The following PTPRD variants were observed in gnomAD, a reference collection of about 807,000 sequenced individuals.
The protein encoded by PTPRD is protein tyrosine phosphatase receptor type D.
In PTPRD, 34 loss-of-function variants were observed where a neutral mutation model predicts 214.5. The observed-to-expected ratio is 0.16, with a 90% confidence interval of 0.12 to 0.21. The LOEUF (loss-of-function observed/expected upper bound fraction) is 0.21, where lower values mean the gene tolerates loss of function less well. Among genes scored for constraint, PTPRD ranks in the 10% least tolerant of loss-of-function variants. PTPRD has a pLI of 1.00. For synonymous variants in PTPRD, 1,128 were observed against 845.7 expected (o/e 1.33, Z -5.79); for missense variants, 2,545 against 2,398.7 (o/e 1.06, Z -1.27).
intron 10 of PTPRD, among the ~76,000 whole-genome samples, chr9:9,151,856 G>A (rs2154488605): frequency 6.6e-6 from 1 of 152,278 alleles, no homozygotes; most frequent in South Asian, 2.1e-4. Context: ...CCAGTTAGGT[G>A]ATAGCACCCA....
At chr9:8,844,100 C>T (rs1009824657) in intron 11 of PTPRD, among the ~76,000 whole-genome samples, 2 of 152,174 alleles carry the variant, frequency 1.3e-5, no homozygotes, top group Admixed American at 1.3e-4. Context: ...CACTCTAGTA[C>T]CTAAATATTC....
chr9:8,878,217 G>C (rs150188549), intron 11 of PTPRD, among the ~76,000 whole-genome samples: 21 of 152,294 alleles, frequency 1.4e-4, no homozygotes, highest in African/African-American at 4.6e-4. Flanking sequence ...TCATTCGTAG[G>C]AGATTGGAAA....
At chr9:9,817,071 A>G (rs2049011497) in intron 5 of PTPRD, among the ~76,000 whole-genome samples, 1 of 152,090 alleles carries the variant, frequency 6.6e-6, no homozygotes, top group African/African-American at 2.4e-5. Flanking sequence ...TCACTATCAA[A>G]TTAAATGAGC....
intron 10 of PTPRD, among the ~76,000 whole-genome samples, chr9:9,076,008 C>G (rs2099750633): frequency 6.6e-6 from 1 of 152,128 alleles, no homozygotes; most frequent in African/African-American, 2.4e-5. Context: ...AATGGTTGAA[C>G]TAGTTTATAG....
intron 14 of PTPRD, among the ~76,000 whole-genome samples, chr9:8,565,809 C>A (rs1167015356): frequency 6.6e-6 from 1 of 152,138 alleles, no homozygotes; most frequent in Admixed American, 6.5e-5. Context: ...GTAAGTTATT[C>A]ATCAAAGTTT....
chr9:9,717,863 G>A (rs985971394), intron 7 of PTPRD, among the ~76,000 whole-genome samples: 10 of 151,178 alleles, frequency 6.6e-5, no homozygotes, highest in Non-Finnish European at 1.0e-4. Flanking sequence ...AAACACTTAG[G>A]GCAAAAAATA....
chr9:8,509,580 C>T (rs1180992863), intron 21 of PTPRD, among the ~76,000 whole-genome samples: 5 of 152,194 alleles, frequency 3.3e-5, no homozygotes, highest in African/African-American at 9.6e-5. Flanking sequence ...GCTTGTTACG[C>T]ATTTCTTCCC....
At chr9:8,669,317 A>G (rs1441529180) in intron 12 of PTPRD, among the ~76,000 whole-genome samples, 1 of 152,102 alleles carries the variant, frequency 6.6e-6, no homozygotes, top group Non-Finnish European at 1.5e-5. Flanking sequence ...GTTTCTTACC[A>G]TGTATCTCCT....
At chr9:9,930,214 T>C (rs2085955665) in intron 5 of PTPRD, among the ~76,000 whole-genome samples, 1 of 152,144 alleles carries the variant, frequency 6.6e-6, no homozygotes, top group Non-Finnish European at 1.5e-5. Context: ...GCAGTTCATT[T>C]GGTATGTTGA....
chr9:9,522,458 GT>G (rs1165675260), intron 8 of PTPRD, among the ~76,000 whole-genome samples: 2 of 152,084 alleles, frequency 1.3e-5, no homozygotes, highest in Non-Finnish European at 2.9e-5. Context: ...TTCAGCTATA[GT>G]AAAAACTTGA....
rs555718881 is a variant in PTPRD at position 9,296,578 on chromosome 9, T to C, written c.-203+100871A>G. ...AAATGGGGATAGAGTGATAGTAGAG[T>C]TCTAATTATTTAAATCAGTTTCAGA... On this transcript the variant is annotated intron_variant, in intron 9 of 45. Coordinates refer to ENST00000381196, the MANE Select transcript of PTPRD (RefSeq NM_002839.4). Among the ~76,000 whole-genome samples the C allele has an allele frequency of 3.3e-5, 5 of 151,774 alleles. No individual in the cohort carries two copies. The South Asian group carries it at 1.0e-3, about 32-fold the overall frequency.
intron 8 of PTPRD, among the ~76,000 whole-genome samples, chr9:9,551,560 T>C (rs1428332210): frequency 6.6e-6 from 1 of 152,010 alleles, no homozygotes; most frequent in Non-Finnish European, 1.5e-5. Flanking sequence ...TAAAGCTGGA[T>C]TTGATCTTCC....
At chr9:9,491,425 A>G (rs990551295) in intron 8 of PTPRD, among the ~76,000 whole-genome samples, 2 of 151,984 alleles carry the variant, frequency 1.3e-5, no homozygotes, top group Non-Finnish European at 2.9e-5. Flanking sequence ...AGAACTTAAT[A>G]TAATTTACCA....
At chr9:10,210,285 A>T (rs1236495177) in intron 3 of PTPRD, among the ~76,000 whole-genome samples, 1 of 152,186 alleles carries the variant, frequency 6.6e-6, no homozygotes, top group Admixed American at 6.5e-5. Context: ...TCTTAAAGCC[A>T]TACAGAGGAG....
intron 2 of PTPRD, among the ~76,000 whole-genome samples, chr9:10,587,379 T>C (rs2074199391): frequency 6.6e-6 from 1 of 152,102 alleles, no homozygotes. Flanking sequence ...AATTCATTGA[T>C]TAGAGTTTAA....
chr9:9,620,146 A>G (rs1044780751), intron 7 of PTPRD, among the ~76,000 whole-genome samples: 1 of 152,076 alleles, frequency 6.6e-6, no homozygotes, highest in Non-Finnish European at 1.5e-5. Flanking sequence ...CTAATTTCCT[A>G]CTTAATGTTC....
intron 14 of PTPRD, among the ~76,000 whole-genome samples, chr9:8,573,501 G>A (rs1030238892): frequency 1.3e-5 from 2 of 151,768 alleles, no homozygotes; most frequent in African/African-American, 4.8e-5. Context: ...GTTCACTCTG[G>A]GTCAATGGCA....
At chr9:10,571,258 T>C (rs536552912) in intron 2 of PTPRD, among the ~76,000 whole-genome samples, 1 of 152,244 alleles carries the variant, frequency 6.6e-6, no homozygotes, top group African/African-American at 2.4e-5. Context: ...AGAAAATTAA[T>C]TTAGAAAAAT....
intron 11 of PTPRD, among the ~76,000 whole-genome samples, chr9:8,918,237 TA>T (rs1454954674): frequency 6.6e-6 from 1 of 152,126 alleles, no homozygotes; most frequent in Non-Finnish European, 1.5e-5. Context: ...CGACCCAGTC[TA>T]ACAAAACATA....
Sources: allele counts gnomAD v4.1 joint callset (sites outside exome capture counted in the v4.1 genomes callset), GRCh38; gene constraint gnomAD v4.1.1; transcripts MANE v1.5; gene names NCBI Gene and HGNC (gene_info 2026-07-23, HGNC 2026-07-21).